ACOT12: variants seen among roughly 807,000 people sequenced by gnomAD.
ACOT12 encodes acetyl-coenzyme A thioesterase.
ACOT12 carries 51 observed loss-of-function variants against 67.7 expected under a neutral mutation model. The observed-to-expected ratio is 0.75, with a 90% CI of 0.60 to 0.95. The LOEUF (loss-of-function observed/expected upper bound fraction) is 0.95, where lower values mean the gene tolerates loss of function less well. ACOT12 is among the 40% of genes least tolerant of loss of function. The pLI is 0.00. For missense variants in ACOT12, 734 were observed against 708.1 expected (o/e 1.04, Z -0.41); for synonymous variants, 251 against 244.6 (o/e 1.03, Z -0.24).
At chr5:81,313,989 A>G in the ACOT12 span, among the ~76,000 whole-genome samples, 2 of 152,184 alleles carry the variant, frequency 1.3e-5, no homozygotes, top group African/African-American at 2.4e-5. Flanking sequence ...CACCTGTCCC[A>G]TCAGGAGCAG....
At chr5:81,356,984 G>T (rs1156854503) in intron 5 of ACOT12, among the ~76,000 whole-genome samples, 1 of 151,370 alleles carries the variant, frequency 6.6e-6, no homozygotes, top group African/African-American at 2.4e-5. Context: ...CATGGCCCAG[G>T]GAGCCTCCAT....
chr5:81,325,235 T>G (rs1194262940), downstream of ACOT12, among the ~76,000 whole-genome samples: 1 of 152,204 alleles, frequency 6.6e-6, no homozygotes, highest in Non-Finnish European at 1.5e-5. Flanking sequence ...AATGAATATT[T>G]TTTGAAGTTC....
At chr5:81,386,256 A>T (rs1008363725) in intron 1 of ACOT12, among the ~76,000 whole-genome samples, 1 of 152,248 alleles carries the variant, frequency 6.6e-6, no homozygotes, top group Non-Finnish European at 1.5e-5. Context: ...TAACCACCGT[A>T]AGCACTTGAG....
Position 81,393,919 on chromosome 5 carries a change from C to CG in ACOT12, c.127+68_127+69insC, listed in dbSNP as rs1760932789. The stretch of plus-strand genomic sequence containing the variant: ...ACCTTCCTCGCCTTCCTACCCCCCC[C>CG]AGCCCCCAGCCGCCGCCGCTCCCGC... On this transcript the variant is annotated intron_variant, in intron 1 of 14. Coordinates refer to ENST00000307624, the MANE Select transcript of ACOT12 (RefSeq NM_130767.3). 3 of 1,264,044 alleles carry CG rather than the reference C, an allele frequency of 2.4e-6. No individual in the cohort carries two copies. The African/African-American group carries it at 4.7e-5, about 20-fold the overall frequency. The allele number at this position is 1,264,044 out of a possible 1,614,324, so 78.3% of individuals were successfully genotyped here.
chr5:81,327,924 C>G (rs1032584897), downstream of ACOT12, among the ~76,000 whole-genome samples: 1 of 152,114 alleles, frequency 6.6e-6, no homozygotes, highest in African/African-American at 2.4e-5. Flanking sequence ...GGGCTGACTG[C>G]TGATGAACTA....
chr5:81,393,494 G>A (rs1183510475), intron 1 of ACOT12, among the ~76,000 whole-genome samples: 1 of 152,040 alleles, frequency 6.6e-6, no homozygotes, highest in African/African-American at 2.4e-5. Context: ...TTGAGTCCAG[G>A]CGTTTGAGAC....
intron 12 of ACOT12, among the ~76,000 whole-genome samples, chr5:81,333,225 T>C (rs577418115): frequency 1.9e-4 from 29 of 152,274 alleles, no homozygotes; most frequent in South Asian, 1.0e-3. Context: ...ACAAAATTAT[T>C]TTTCTCCAGG....
In ACOT12 at chr5:81,373,559, C is replaced by T. The variant is rs921038109; in HGVS notation, c.198-1749G>A. 6.8e-4 allele frequency among the ~76,000 whole-genome samples: 104 copies of T among 152,266 alleles called. 1 individual carries two copies. Among genetic ancestry groups the T allele is most frequent in the African/African-American group, 2.1e-3 (89 of 41,544 alleles). On this transcript the variant is annotated intron_variant, in intron 2 of 14. Coordinates refer to ENST00000307624, the MANE Select transcript of ACOT12 (RefSeq NM_130767.3). ...GGAAAGGGGGCTGAAGCCAGGGAGC[C>T]GAGTGGTCTGGCTTGGCGGGTCCCA...
chr5:81,309,568 GGTT>G, the ACOT12 span, among the ~76,000 whole-genome samples: 3 of 152,184 alleles, frequency 2.0e-5, no homozygotes, highest in African/African-American at 2.4e-5. Flanking sequence ...TTAAGGCGGA[GGTT>G]GTTATCTGTT....
intron 1 of ACOT12, among the ~76,000 whole-genome samples, chr5:81,391,936 T>C (rs1469706003): frequency 6.6e-6 from 1 of 152,118 alleles, no homozygotes; most frequent in East Asian, 1.9e-4. Context: ...ACTCCAGAGA[T>C]AGTAAACCCT....
At chr5:81,390,351 C>T in intron 1 of ACOT12, among the ~76,000 whole-genome samples, 1 of 151,428 alleles carries the variant, frequency 6.6e-6, no homozygotes, top group East Asian at 1.9e-4. Flanking sequence ...CTTTTCTCAG[C>T]CATGTCCATT....
chr5:81,390,972 G>A (rs1244896740), intron 1 of ACOT12, among the ~76,000 whole-genome samples: 2 of 152,166 alleles, frequency 1.3e-5, no homozygotes, highest in Non-Finnish European at 2.9e-5. Context: ...GCCATTGTGA[G>A]TGATCCATTG....
chr5:81,337,154 G>A (rs62365869), intron 11 of ACOT12, among the ~76,000 whole-genome samples: 2,125 of 152,308 alleles, frequency 0.014, 27 homozygotes, highest in Non-Finnish European at 0.023. Flanking sequence ...TATCCAGAGA[G>A]ATTATCAGAT....
the ACOT12 span, chr5:81,308,961 C>T: frequency 3.1e-6 from 5 of 1,612,906 alleles, no homozygotes; most frequent in African/African-American, 5.3e-5. Context: ...TTTCCTTTTG[C>T]AAAATGTTTT....
At position 81,388,625 on chromosome 5, in the gene ACOT12, G is replaced by A. The variant is rs548656882; in HGVS notation, c.128-2799C>T. On this transcript the variant is annotated intron_variant, in intron 1 of 14. Transcript: ENST00000307624. ...TTATTTTATATAAGGCAGCCTCTGC[G>A]TAAGGTGCTGGCAATGGGAAACAGC... Among the ~76,000 whole-genome samples, 309 of 152,246 alleles carry A rather than the reference G, an allele frequency of 2.0e-3. 1 individual carries two copies. Among genetic ancestry groups the A allele is most frequent in the African/African-American group, 6.9e-3 (285 of 41,548 alleles).
At chr5:81,349,598 T>G (rs1404256459) in intron 5 of ACOT12, among the ~76,000 whole-genome samples, 1 of 152,160 alleles carries the variant, frequency 6.6e-6, no homozygotes, top group East Asian at 1.9e-4. Flanking sequence ...CAGCCCCACC[T>G]TCAGGGTCTC....
intron 4 of ACOT12, among the ~76,000 whole-genome samples, chr5:81,362,834 T>C (rs1040471374): frequency 7.2e-5 from 11 of 152,198 alleles, no homozygotes; most frequent in Non-Finnish European, 1.6e-4. Context: ...TTTTAAAAAA[T>C]AGAATTAGCT....
chr5:81,318,778 C>T, the ACOT12 span, among the ~76,000 whole-genome samples: 1 of 152,172 alleles, frequency 6.6e-6, no homozygotes, highest in South Asian at 2.1e-4. Context: ...TGATGTTAAA[C>T]AATTGCTGCT....
At chr5:81,335,360 C>G (rs1451787405) in intron 12 of ACOT12, among the ~76,000 whole-genome samples, 1 of 152,136 alleles carries the variant, frequency 6.6e-6, no homozygotes, top group African/African-American at 2.4e-5. Flanking sequence ...CTGTCCAGAT[C>G]AAACTTTATT....
Sources: gnomAD v4.1 joint callset for allele counts (sites outside exome capture counted in the v4.1 genomes callset) on GRCh38, gnomAD v4.1.1 for gene constraint, MANE v1.5 for transcripts, NCBI Gene and HGNC (gene_info 2026-07-23, HGNC 2026-07-21) for gene names.